Variants in CLBA1 observed in about 807,000 individuals in gnomAD.
CLBA1 encodes the protein uncharacterized protein CLBA1.
Under a neutral mutation model 28.8 loss-of-function variants are expected in CLBA1, and 30 were observed. That is an observed-to-expected ratio of 1.04 (90% CI 0.78 to 1.41). The LOEUF is 1.41. Ranked by LOEUF, CLBA1 falls within the 40% of genes most tolerant of loss-of-function variation. The probability of loss-of-function intolerance (pLI) is 0.00; values close to 1 mark genes in which losing one functional copy is unlikely to be tolerated. For missense variants in CLBA1, 451 were observed against 412.3 expected, an observed-to-expected ratio of 1.09 and a Z score of -0.81; for synonymous variants, 160 against 152.8, an observed-to-expected ratio of 1.05 and a Z score of -0.35.
At chr14:104,991,695 GC>G in intron 3 of CLBA1, 75 bp downstream of exon 3, 1 of 1,511,256 alleles carries the variant, frequency 6.6e-7, no homozygotes, top group East Asian at 2.3e-5. Context: ...CCTTGGCCGC[GC>G]CCAAGGGGTG....
chr14:104,987,521 A>G (rs1899896217), intron 1 of CLBA1, among the ~76,000 whole-genome samples: 6 of 151,424 alleles, frequency 4.0e-5, no homozygotes, highest in Admixed American at 3.3e-4. Flanking sequence ...CCCAAGCACC[A>G]TCATGAGAGA....
Position 104,991,573 on chromosome 14 carries a change from TG to T in CLBA1, c.653del (p.Cys218SerfsTer11). On this transcript the variant is annotated frameshift_variant, in exon 3 of 5. Transcript: ENST00000547315. LOFTEE classifies it high-confidence loss of function. ...TSQRLWSESR[C>X]QENFFLVLGI... ...TCAGCGCCTCTGGAGCGAGTCCCGT[TG>T]CCAGGAGAACTTCTTTCTTGTTCTC... 1 of 1,613,724 alleles carries T rather than the reference TG, an allele frequency of 6.2e-7. No homozygotes were observed.
chr14:104,991,730 A>G, intron 3 of CLBA1, 110 bp downstream of exon 3: 1 of 1,378,474 alleles, frequency 7.3e-7, no homozygotes, highest in Non-Finnish European at 9.8e-7. Context: ...GTGTGGGTTC[A>G]GGTGGGTTAA....
chr14:104,994,370 C>T lies in CLBA1; in HGVS notation c.817-228C>T, dbSNP rs538646369. ...TAAGATGTGGGCCCACTGCTGTCTT[C>T]GGGGCTGGCTGCAGGCCAGAGCCAC... On this transcript the variant is annotated intron_variant, in intron 4 of 4. Transcript: ENST00000547315. 68 of 985,440 alleles carry T rather than the reference C, an allele frequency of 6.9e-5. No individual in the cohort carries two copies. In the South Asian group the frequency reaches 2.6e-3, roughly 38 times the overall value. 61.0% of individuals were successfully genotyped at this position (985,440 alleles called of 1,614,324 possible).
At chr14:105,000,744 GATGAA>G (rs1032903527) in intron 2 of CLBA1, among the ~76,000 whole-genome samples, 1 of 151,600 alleles carries the variant, frequency 6.6e-6, no homozygotes, top group African/African-American at 2.4e-5. Flanking sequence ...ATTCTAAACA[GATGAA>G]ATGTCGGTGA....
chr14:104,998,282 C>T (rs955222633), downstream of CLBA1, among the ~76,000 whole-genome samples: 97 of 151,860 alleles, frequency 6.4e-4, no homozygotes, highest in Middle Eastern at 3.4e-3. Context: ...GGTGTGGTGG[C>T]GCTCACCTGC....
intron 3 of CLBA1, among the ~76,000 whole-genome samples, chr14:104,992,651 G>T (rs963734348): frequency 6.6e-6 from 1 of 152,256 alleles, no homozygotes; most frequent in Non-Finnish European, 1.5e-5. Context: ...AGCCTCAGGT[G>T]CGGGCCAGCT....
intron 1 of CLBA1, among the ~76,000 whole-genome samples, chr14:104,987,606 C>CTTTTTTTTTTTTTTTTTTTTTT (rs869117577): frequency 1.7e-5 from 1 of 60,008 alleles, no homozygotes; most frequent in Non-Finnish European, 2.9e-5. Context: ...TCTTCCTTTT[C>CTTTTTTTTTTTTTTTTTTTTTT]TTTTTTTTTT....
chr14:104,989,735 G>A, intron 2 of CLBA1: 1 of 454,480 alleles, frequency 2.2e-6, no homozygotes, highest in Non-Finnish European at 4.4e-6. Flanking sequence ...CCCAGAGGGA[G>A]GAGGGAAGTG....
chr14:104,987,236 A>T (rs1307133489), intron 1 of CLBA1, among the ~76,000 whole-genome samples: 1 of 152,274 alleles, frequency 6.6e-6, no homozygotes, highest in Admixed American at 6.5e-5. Flanking sequence ...CAAAAGTCTC[A>T]GAGATTCTAA....
At chr14:105,000,577 G>T (rs1022106570) in intron 2 of CLBA1, among the ~76,000 whole-genome samples, 1 of 151,828 alleles carries the variant, frequency 6.6e-6, no homozygotes, top group Admixed American at 6.6e-5. Context: ...CAGCCAAGCA[G>T]ACATTTTCCA....
downstream of CLBA1, among the ~76,000 whole-genome samples, chr14:104,998,739 A>G (rs1900211289): frequency 6.6e-6 from 1 of 152,216 alleles, no homozygotes; most frequent in East Asian, 1.9e-4. Context: ...GTGGCTATAT[A>G]GGAACAGGCC....
In CLBA1 at chr14:104,995,049, A is replaced by C. The variant is rs2140900277; in HGVS notation, c.*290A>C. On this transcript the variant is annotated 3_prime_UTR_variant, in exon 5 of 5. Transcript: ENST00000547315. ...CCTGCCCCATGTGAATGCTGCTGGCACCTGGTGGGGGGTTGCCCAGGGATG... is the reference window on the plus strand; with the variant it reads ...CCTGCCCCATGTGAATGCTGCTGGCCCCTGGTGGGGGGTTGCCCAGGGATG... 2.8e-6 allele frequency: 3 copies of C among 1,065,344 alleles called. No homozygotes were observed. In the African/African-American group the frequency reaches 5.0e-5, roughly 18 times the overall value. 66.0% of individuals were successfully genotyped at this position (1,065,344 alleles called of 1,614,324 possible). A position where few individuals can be genotyped will look rare whatever the true frequency, so the allele number is the denominator to read the frequency against.
Position 104,994,805 on chromosome 14 carries a change from C to A in CLBA1, c.*46C>A, listed in dbSNP as rs1482454721. ...TTTATGAGGAATTTTTCATTTTCTT[C>A]CTGGCTGGGTTGATGTGGAAACCAG... On this transcript the variant is annotated 3_prime_UTR_variant, in exon 5 of 5. Coordinates refer to ENST00000547315, the MANE Select transcript of CLBA1 (RefSeq NM_174891.4). The A allele has an allele frequency of 6.4e-7, 1 of 1,561,296 alleles. No homozygotes were observed. The highest frequency in any genetic ancestry group is 1.2e-5 in the South Asian group (1 of 82,678).
In CLBA1 at chr14:104,994,763, CAGG is replaced by C. The variant is rs748231209; in HGVS notation, c.*9_*11del. ...CTTTAATAGCGACGTTTGCTAAAAT[CAGG>C]AGGACTTTGTACCTTTATGAGGAAT... On this transcript the variant is annotated 3_prime_UTR_variant, in exon 5 of 5. Transcript: ENST00000547315. 1 of 1,598,482 alleles carries C rather than the reference CAGG, an allele frequency of 6.3e-7. No individual in the cohort carries two copies. Among genetic ancestry groups the C allele is most frequent in the Non-Finnish European group, 8.5e-7 (1 of 1,173,114 alleles).
rs201907739 is a variant in CLBA1, at chr14:104,994,794, T to C, written c.*35T>C. On this transcript the variant is annotated 3_prime_UTR_variant, in exon 5 of 5. Transcript: ENST00000547315. The stretch of plus-strand genomic sequence containing the variant: ...GACTTTGTACCTTTATGAGGAATTT[T>C]TCATTTTCTTCCTGGCTGGGTTGAT... 1.0e-5 allele frequency: 16 copies of C among 1,567,944 alleles called. No homozygotes were observed. In the East Asian group the frequency reaches 3.4e-4, roughly 33 times the overall value.
intron 1 of CLBA1, among the ~76,000 whole-genome samples, chr14:104,987,807 A>G (rs1281680395): frequency 7.1e-6 from 1 of 140,298 alleles, no homozygotes; most frequent in African/African-American, 2.8e-5. Context: ...ATATATATAT[A>G]TGTATGTTTA....
downstream of CLBA1, among the ~76,000 whole-genome samples, chr14:104,997,965 C>T (rs867408706): frequency 5.3e-5 from 8 of 152,016 alleles, no homozygotes; most frequent in East Asian, 7.7e-4. Flanking sequence ...GCCGAGATCA[C>T]GCCATTGCAC....
In CLBA1 at chr14:104,986,571, T is replaced by C; in HGVS notation, c.140T>C (p.Leu47Pro). The change falls in exon 1 of 5, where the codon CTG (leucine) becomes CCG (proline). Residue 47 changes from leucine to proline, a missense_variant. By Grantham distance (98) the Leu-to-Pro change is moderately conservative. Coordinates refer to ENST00000547315, the MANE Select transcript of CLBA1 (RefSeq NM_174891.4). ...AGACGGACCTGCCCCGACCTTCTCC[T>C]GTCCGATGGGAAAGCCAGCATCTCC... ...EWRRTCPDLL[L>P]SDGKASISMP... 6.2e-7 allele frequency: 1 copy of C among 1,614,090 alleles called. No homozygotes were observed.
Sources: gnomAD v4.1 joint callset for allele counts (sites outside exome capture counted in the v4.1 genomes callset) on GRCh38, gnomAD v4.1.1 for gene constraint, MANE v1.5 for transcripts, NCBI Gene and HGNC (gene_info 2026-07-23, HGNC 2026-07-21) for gene names.